RASGRP3: variants seen among roughly 807,000 people sequenced by gnomAD.
RASGRP3 encodes the protein RAS guanyl releasing protein 3, also known as ras guanyl-releasing protein 3.
In RASGRP3, 54 loss-of-function variants were observed where a neutral mutation model predicts 82.7. The ratio of observed to expected loss-of-function variants is 0.65; its 90% CI spans 0.52 to 0.82. RASGRP3 has a LOEUF of 0.82. Ranked by LOEUF, RASGRP3 falls within the 40% of genes least tolerant of loss-of-function variation. RASGRP3 has a pLI of 0.00. For synonymous variants in RASGRP3, 309 were observed against 300.5 expected, an observed-to-expected ratio of 1.03 and a Z score of -0.29; for missense variants, 861 against 828.9, an observed-to-expected ratio of 1.04 and a Z score of -0.48.
intron 6 of RASGRP3, among the ~76,000 whole-genome samples, chr2:33,521,666 A>G (rs1038792249): frequency 6.6e-6 from 1 of 152,242 alleles, no homozygotes. Context: ...AAATTTATAT[A>G]CTAGCCCCGA....
At chr2:33,520,469 T>C in intron 5 of RASGRP3, 84 bp from the exon 6 acceptor site, 2 of 1,535,578 alleles carry the variant, frequency 1.3e-6, no homozygotes, top group Non-Finnish European at 1.8e-6. Context: ...TGGTGTTAAA[T>C]GTAGTCTGTA....
upstream of RASGRP3, among the ~76,000 whole-genome samples, chr2:33,473,466 C>A (rs1667182447): frequency 2.0e-5 from 3 of 152,094 alleles, no homozygotes; most frequent in African/African-American, 7.2e-5. Context: ...CTAATGAGCG[C>A]ACGCTGAGAG....
intron 2 of RASGRP3, among the ~76,000 whole-genome samples, chr2:33,449,820 C>T (rs112673408): frequency 1.3e-5 from 2 of 152,104 alleles, no homozygotes; most frequent in African/African-American, 4.8e-5. Context: ...ATACAAAATG[C>T]AAACTTTTGT....
At chr2:33,466,510 C>G (rs939556599) in intron 2 of RASGRP3, among the ~76,000 whole-genome samples, 1 of 152,018 alleles carries the variant, frequency 6.6e-6, no homozygotes, top group African/African-American at 2.4e-5. Flanking sequence ...GAAACCCTGT[C>G]TCTACTAAAA....
In RASGRP3 at chr2:33,558,213, T is replaced by C; in HGVS notation, c.1582T>C (p.Cys528Arg). 1 of 1,610,544 alleles carries C rather than the reference T, an allele frequency of 6.2e-7. No homozygotes were observed. The highest frequency in any genetic ancestry group is 1.1e-5 in the South Asian group (1 of 90,138). Residue 528 changes from cysteine to arginine, a missense_variant and splice_region_variant, in exon 16 of 18, where the codon TGT becomes CGT. Cys to Arg is a radical substitution (Grantham distance 180). Transcript: ENST00000403687. ...IIKQGYKCKD[C>R]GANCHKQCKD... is the part of the protein sequence containing the mutation. The stretch of plus-strand genomic sequence containing the variant: ...GCGACACCCTTGGAATTTTTCAGAC[T>C]GTGGAGCCAATTGTCACAAACAGTG...
intron 7 of RASGRP3, among the ~76,000 whole-genome samples, chr2:33,522,496 G>A (rs1194964706): frequency 2.0e-5 from 3 of 152,208 alleles, no homozygotes; most frequent in Non-Finnish European, 4.4e-5. Flanking sequence ...CTAATTATGG[G>A]TATAGGTTGA....
Position 33,470,449 on chromosome 2 carries a change from A to G in RASGRP3, c.-261+22506A>G, listed in dbSNP as rs1041203659. Among the ~76,000 whole-genome samples, 7 of 148,846 alleles carry G rather than the reference A, an allele frequency of 4.7e-5. No individual in the cohort carries two copies. In the Admixed American group the frequency reaches 4.7e-4, roughly 10 times the overall value. ...GGCTGGAGTGCAGTGGCGCGATCTC[A>G]GCTCACTGCAAGCTCCGCCTGACGG... On this transcript the variant is annotated intron_variant, in intron 2 of 18. Coordinates refer to the RASGRP3 transcript ENST00000402538.
intron 6 of RASGRP3, among the ~76,000 whole-genome samples, chr2:33,521,070 G>T (rs1490414740): frequency 6.6e-6 from 1 of 152,130 alleles, no homozygotes; most frequent in African/African-American, 2.4e-5. Context: ...TTACCTGGGA[G>T]CTCATTAGGA....
At chr2:33,549,096 G>A (rs148034037) in intron 13 of RASGRP3, among the ~76,000 whole-genome samples, 23 of 152,240 alleles carry the variant, frequency 1.5e-4, no homozygotes, top group Middle Eastern at 6.8e-3. Context: ...TGGAAGAATT[G>A]CTCCCAGCCA....
At chr2:33,487,143 T>C (rs1222247009) in intron 1 of RASGRP3, among the ~76,000 whole-genome samples, 1 of 152,166 alleles carries the variant, frequency 6.6e-6, no homozygotes, top group African/African-American at 2.4e-5. Flanking sequence ...AATATTTTAG[T>C]ATGTGTTTCT....
intron 1 of RASGRP3, among the ~76,000 whole-genome samples, chr2:33,477,742 G>C (rs1167300385): frequency 6.6e-6 from 1 of 152,206 alleles, no homozygotes; most frequent in Non-Finnish European, 1.5e-5. Context: ...AGAGGGCAGA[G>C]CTCTAAACTG....
At chr2:33,553,989 G>C (rs966123949) in intron 14 of RASGRP3, among the ~76,000 whole-genome samples, 1 of 152,056 alleles carries the variant, frequency 6.6e-6, no homozygotes, top group Admixed American at 6.5e-5. Flanking sequence ...CGCCCGCCTC[G>C]GCCTCCGAAA....
At chr2:33,489,350 C>A (rs1251945744) in intron 1 of RASGRP3, among the ~76,000 whole-genome samples, 2 of 152,156 alleles carry the variant, frequency 1.3e-5, no homozygotes, top group Non-Finnish European at 2.9e-5. Context: ...AATACACTTG[C>A]AGAAATACTG....
chr2:33,526,611 C>T (rs1651345122), intron 9 of RASGRP3, among the ~76,000 whole-genome samples: 1 of 152,150 alleles, frequency 6.6e-6, no homozygotes, highest in African/African-American at 2.4e-5. Flanking sequence ...ACTTCTCTTA[C>T]TTACAGAGAA....
intron 1 of RASGRP3, among the ~76,000 whole-genome samples, chr2:33,440,267 C>T (rs1665153744): frequency 6.6e-6 from 1 of 152,172 alleles, no homozygotes; most frequent in Non-Finnish European, 1.5e-5. Context: ...CGATGTCAAG[C>T]CTTTTATCTC....
chr2:33,528,423 T>G (rs1293871282), intron 10 of RASGRP3, among the ~76,000 whole-genome samples: 2 of 152,234 alleles, frequency 1.3e-5, no homozygotes, highest in African/African-American at 4.8e-5. Context: ...CATTTCCCAC[T>G]GGCTGCTGCT....
At chr2:33,449,202 C>T (rs1665656371) in intron 2 of RASGRP3, among the ~76,000 whole-genome samples, 2 of 152,206 alleles carry the variant, frequency 1.3e-5, no homozygotes, top group Non-Finnish European at 2.9e-5. Flanking sequence ...AGATCAGGTG[C>T]ATGACACATA....
chr2:33,511,231 A>C (rs1462654366), intron 1 of RASGRP3, among the ~76,000 whole-genome samples: 13 of 152,194 alleles, frequency 8.5e-5, no homozygotes, highest in Admixed American at 8.5e-4. Flanking sequence ...AGTCCTAAAC[A>C]AACAGCAAGT....
At chr2:33,472,300 G>A (rs114948455), upstream of RASGRP3, among the ~76,000 whole-genome samples, 1,342 of 152,268 alleles carry the variant, frequency 8.8e-3, 21 homozygotes, top group African/African-American at 0.031. Context: ...AAATGCAACC[G>A]CAGCGAAATG....
Sources: gnomAD v4.1 joint callset for allele counts (sites outside exome capture counted in the v4.1 genomes callset) on GRCh38, gnomAD v4.1.1 for gene constraint, MANE v1.5 for transcripts, NCBI Gene and HGNC (gene_info 2026-07-23, HGNC 2026-07-21) for gene names.